TRPC4: variants seen among roughly 807,000 people sequenced by gnomAD.
The protein encoded by TRPC4 is short transient receptor potential channel 4.
Under a neutral mutation model 99.4 loss-of-function variants are expected in TRPC4, and 49 were observed. That is an observed-to-expected ratio of 0.49 (90% CI 0.39 to 0.63). The LOEUF (loss-of-function observed/expected upper bound fraction) is 0.63. Among genes scored for constraint, TRPC4 ranks in the 20% least tolerant of loss-of-function variants. The pLI, the probability that TRPC4 is intolerant of heterozygous loss-of-function variation, is 0.00. For missense variants in TRPC4, 898 were observed against 1,152.9 expected (o/e 0.78, Z 3.20); for synonymous variants, 454 against 425.9 (o/e 1.07, Z -0.81).
chr13:37,782,571 C>T (rs1012294590), intron 2 of TRPC4, among the ~76,000 whole-genome samples: 3 of 151,822 alleles, frequency 2.0e-5, no homozygotes, highest in African/African-American at 7.3e-5. Context: ...AATAATTCAC[C>T]CTCTGATAAG....
chr13:37,721,152 C>T (rs1402578074), intron 3 of TRPC4, among the ~76,000 whole-genome samples: 1 of 152,108 alleles, frequency 6.6e-6, no homozygotes, highest in East Asian at 1.9e-4. Context: ...TCCCATTTTT[C>T]ATAAGTGCTT....
chr13:37,724,293 G>A (rs534347192), intron 3 of TRPC4, among the ~76,000 whole-genome samples: 257 of 152,262 alleles, frequency 1.7e-3, no homozygotes, highest in South Asian at 5.4e-3. Context: ...TTGTGTGCAC[G>A]TGGATGCAGA....
At position 37,637,093 on chromosome 13, in the gene TRPC4, T is replaced by C; in HGVS notation, c.2744A>G (p.Asn915Ser). The change falls in exon 11 of 11, where the codon AAT becomes AGT. Residue 915 changes from asparagine (N) to serine (S), a missense_variant. This residue lies in a region of TRPC4 where 346 missense variants were observed against 351.4 expected (regional missense o/e 0.98). Coordinates refer to ENST00000379705, the MANE Select transcript of TRPC4 (RefSeq NM_016179.4). ...TACCTGTAACCCCAGTGTGTCCGTATTCCTTTCTCTATGGTCTACTAACAC... is the reference window on the plus strand; with the variant it reads ...TACCTGTAACCCCAGTGTGTCCGTACTCCTTTCTCTATGGTCTACTAACAC... ...QCVLVDHRER[N>S]TDTLGLQVGK... The C allele has an allele frequency of 6.2e-7, 1 of 1,613,792 alleles. No individual in the cohort carries two copies.
intron 4 of TRPC4, among the ~76,000 whole-genome samples, chr13:37,675,606 A>G (rs1166650140): frequency 6.6e-6 from 1 of 152,184 alleles, no homozygotes; most frequent in Non-Finnish European, 1.5e-5. Flanking sequence ...CCTCTCACCT[A>G]AGGAGCAAAA....
chr13:37,730,134 G>A (rs1955196471), intron 3 of TRPC4, among the ~76,000 whole-genome samples: 1 of 152,066 alleles, frequency 6.6e-6, no homozygotes, highest in Non-Finnish European at 1.5e-5. Context: ...ATTAAAGTGA[G>A]AAAGGTCTTA....
intron 1 of TRPC4, among the ~76,000 whole-genome samples, chr13:37,834,962 T>C (rs1338780183): frequency 1.3e-5 from 2 of 152,078 alleles, no homozygotes; most frequent in Admixed American, 6.5e-5. Context: ...CTTGAACTCC[T>C]GGCCTCAAGT....
At chr13:37,677,894 C>A (rs1461812345) in intron 4 of TRPC4, among the ~76,000 whole-genome samples, 1 of 152,088 alleles carries the variant, frequency 6.6e-6, no homozygotes, top group Admixed American at 6.6e-5. Context: ...CAAACCTCAG[C>A]ACATTTATTT....
intron 1 of TRPC4, among the ~76,000 whole-genome samples, chr13:37,803,105 T>C (rs913204530): frequency 6.6e-6 from 1 of 152,078 alleles, no homozygotes; most frequent in African/African-American, 2.4e-5. Flanking sequence ...CATTGGGAGC[T>C]TTTTCAGGTT....
intron 1 of TRPC4, among the ~76,000 whole-genome samples, chr13:37,869,391 A>C (rs7994421): frequency 0.039 from 5,919 of 152,220 alleles, 157 homozygotes; most frequent in African/African-American, 0.068. Context: ...CGAGTCAAGC[A>C]CCGAAAGCTT....
rs1473580419 is a variant in TRPC4 at position 37,787,656 on chromosome 13, T to TGATG, written c.-27-4300_-27-4297dup. Among the ~76,000 whole-genome samples, 16 of 152,224 alleles carry TGATG rather than the reference T, an allele frequency of 1.1e-4. 1 individual carries two copies. Among genetic ancestry groups the TGATG allele is most frequent in the Admixed American group, 1.0e-3 (16 of 15,260 alleles). On this transcript the variant is annotated intron_variant, in intron 1 of 10. Transcript: ENST00000379705. ...TAACATGAATTTTCTCTTGTTTTCA[T>TGATG]GATGTCAAAGTGCAATGAACTACTA...
chr13:37,789,123 A>T (rs1957046629), intron 1 of TRPC4, among the ~76,000 whole-genome samples: 1 of 152,138 alleles, frequency 6.6e-6, no homozygotes, highest in Non-Finnish European at 1.5e-5. Context: ...TAGTCTCTAA[A>T]AGGCTGATAA....
chr13:37,651,392 C>A lies in TRPC4; in HGVS notation c.1952G>T (p.Gly651Val). ...GACATTGAAGGGAGTAGGCAGAGTA[C>A]CTCCTTCTTCAAAATAACTCATCCA... The part of the protein sequence containing the change: ...KLWMSYFEEG[G>V]TLPTPFNVIP... The change falls in exon 8 of 11, where the codon GGT (glycine) becomes GTT (valine). Residue 651 changes from glycine to valine, a missense_variant. By Grantham distance (109) the Gly-to-Val change is moderately radical (BLOSUM62 -3). This residue lies in a region of TRPC4 where 274 missense variants were observed against 454.9 expected (regional missense o/e 0.60). Transcript: ENST00000379705. 6.2e-7 allele frequency: 1 copy of A among 1,614,042 alleles called. No individual in the cohort carries two copies. Among genetic ancestry groups the A allele is most frequent in the Non-Finnish European group, 8.5e-7 (1 of 1,179,972 alleles).
chr13:37,822,502 T>C (rs1349465588), intron 1 of TRPC4, among the ~76,000 whole-genome samples: 2 of 149,222 alleles, frequency 1.3e-5, no homozygotes, highest in Non-Finnish European at 3.0e-5. Flanking sequence ...TTCCCATCTA[T>C]GAGTGAGAAT....
intron 2 of TRPC4, among the ~76,000 whole-genome samples, chr13:37,756,740 G>A (rs1956108312): frequency 6.6e-6 from 1 of 151,542 alleles, no homozygotes. Flanking sequence ...TCACCATGTT[G>A]GCCAGGCTGG....
intron 1 of TRPC4, among the ~76,000 whole-genome samples, chr13:37,799,321 A>G (rs1957337221): frequency 1.3e-5 from 2 of 152,112 alleles, no homozygotes; most frequent in African/African-American, 4.8e-5. Context: ...CTTGCCCGTT[A>G]CTAATTTCCT....
intron 1 of TRPC4, among the ~76,000 whole-genome samples, chr13:37,822,391 C>T (rs1257307538): frequency 6.6e-6 from 1 of 151,932 alleles, no homozygotes; most frequent in Non-Finnish European, 1.5e-5. Flanking sequence ...CGTCATCTAG[C>T]ATTAGGTATA....
intron 1 of TRPC4, among the ~76,000 whole-genome samples, chr13:37,829,032 T>A (rs1426182881): frequency 6.6e-6 from 1 of 152,222 alleles, no homozygotes; most frequent in Non-Finnish European, 1.5e-5. Context: ...AACATAGGTA[T>A]AAATCCCGAA....
At chr13:37,647,097 T>A (rs1309852301) in intron 8 of TRPC4, among the ~76,000 whole-genome samples, 2 of 152,154 alleles carry the variant, frequency 1.3e-5, no homozygotes, top group Non-Finnish European at 2.9e-5. Context: ...TGGGAAGCCA[T>A]AAATAGCACG....
intron 2 of TRPC4, among the ~76,000 whole-genome samples, chr13:37,779,762 A>G (rs759586825): frequency 3.9e-5 from 6 of 151,984 alleles, no homozygotes; most frequent in East Asian, 1.9e-4. Context: ...AAATCAAAAA[A>G]CTACGCATGT....
Sources: gnomAD v4.1 joint callset for allele counts (sites outside exome capture counted in the v4.1 genomes callset) on GRCh38, gnomAD v4.1.1 for gene constraint, gnomAD v4.1.1 regional missense constraint, MANE v1.5 for transcripts, NCBI Gene and HGNC (gene_info 2026-07-23, HGNC 2026-07-21) for gene names.